The following IL15RA variants were observed in gnomAD, a reference collection of about 807,000 sequenced individuals.
The protein encoded by IL15RA is interleukin 15 receptor subunit alpha.
A neutral mutation model predicts 24.2 loss-of-function variants in IL15RA; 26 were observed. That is an observed-to-expected ratio of 1.07 (90% CI 0.79 to 1.49). IL15RA has a LOEUF of 1.49. Among genes scored for constraint, IL15RA ranks in the 40% most tolerant of loss-of-function variants. The pLI is 0.00. For missense variants in IL15RA, 354 were observed against 356.4 expected (o/e 0.99, Z 0.05); for synonymous variants, 166 against 157.6 (o/e 1.05, Z -0.40).
In IL15RA at chr10:5,955,844, G is replaced by A. The variant is rs983891425; in HGVS notation, c.692+535C>T. On this transcript the variant is annotated intron_variant, in intron 6 of 6. Coordinates refer to ENST00000379977, the MANE Select transcript of IL15RA (RefSeq NM_002189.4). This position sits in a 1 kb window ranked among gnomAD's most constrained non-coding sequence, Gnocchi z 5.3. ...GCCACCTGGTGCACTTTCTCTGGCC[G>A]CCCCATTTCTACCATGAGCAGGGGT... is the stretch of plus-strand genomic sequence containing the variant. Among the ~76,000 whole-genome samples, 8 of 152,058 alleles carry A rather than the reference G, an allele frequency of 5.3e-5. No homozygotes were observed. The highest frequency in any genetic ancestry group is 3.3e-4 in the Admixed American group (5 of 15,276).
Position 5,962,713 on chromosome 10 carries a change from G to A in IL15RA, c.382+1030C>T, listed in dbSNP as rs112756135. Among the ~76,000 whole-genome samples the A allele has an allele frequency of 2.2e-3, 337 of 151,910 alleles. 1 individual carries two copies. Among genetic ancestry groups the A allele is most frequent in the African/African-American group, 7.8e-3 (324 of 41,442 alleles). ...ACCCACGGCTGACAACTGACACTCC[G>A]CAAAGGATGGCTGAGTCCTGTAGTA... On this transcript the variant is annotated intron_variant, in intron 3 of 6. Transcript: ENST00000379977. This position sits in a 1 kb window ranked among gnomAD's most constrained non-coding sequence, Gnocchi z 5.2.
chr10:5,955,254 C>G lies in IL15RA; in HGVS notation c.692+1125G>C, dbSNP rs1048334078. The stretch of plus-strand genomic sequence containing the variant: ...AGCTGGCATTACAGGCATGCACCAC[C>G]ATGGCCTGCTTATTTTGTATTTTTA... On this transcript the variant is annotated intron_variant, in intron 6 of 6. Coordinates refer to ENST00000379977, the MANE Select transcript of IL15RA (RefSeq NM_002189.4). This position sits in a 1 kb window ranked among gnomAD's most constrained non-coding sequence, Gnocchi z 5.3. Among the ~76,000 whole-genome samples, 1 of 152,046 alleles carries G rather than the reference C, an allele frequency of 6.6e-6. No individual in the cohort carries two copies.
rs1833998808 is a variant in IL15RA at position 5,952,841 on chromosome 10, G to C, written c.*254C>G. 1 of 564,638 alleles carries C rather than the reference G, an allele frequency of 1.8e-6. No individual in the cohort carries two copies. Among genetic ancestry groups the C allele is most frequent in the Non-Finnish European group, 3.1e-6 (1 of 319,746 alleles). The allele number at this position is 564,638 out of a possible 1,614,324, so 35.0% of individuals were successfully genotyped here. A position where few individuals can be genotyped will look rare whatever the true frequency, so the allele number is the denominator to read the frequency against. ...ATAAAAATCCTGCTCAGAAGCCTTT[G>C]GTCTCTCCTGGGAAGCTGGGCCCTG... is the stretch of plus-strand genomic sequence containing the variant. On this transcript the variant is annotated 3_prime_UTR_variant, in exon 7 of 7. Transcript: ENST00000379977.
At position 5,960,404 on chromosome 10, in the gene IL15RA, G is replaced by C. The variant is rs752769293; in HGVS notation, c.546C>G (p.Asn182Lys). The C allele has an allele frequency of 8.7e-6, 14 of 1,614,144 alleles. No individual in the cohort carries two copies. Among genetic ancestry groups the C allele is most frequent in the Non-Finnish European group, 1.1e-5 (13 of 1,180,018 alleles). The change falls in exon 4 of 7, where the codon AAC becomes AAG. Residue 182 changes from asparagine (N) to lysine (K), a missense_variant. Transcript: ENST00000379977. The surrounding 1 kb of genome is among the most constrained non-coding windows in gnomAD (Gnocchi z 5.1). ...GGGAGGCGGATGCTGTGAGTTCCCA[G>C]TTCTTGGCTGTTGTCTGAGAGGGGG... ...HGTPSQTTAK[N>K]WELTASASHQ...
chr10:5,973,195 C>A lies in IL15RA; in HGVS notation c.88+4210G>T, dbSNP rs1837889445. On this transcript the variant is annotated intron_variant, in intron 1 of 6. Transcript: ENST00000379977. This position sits in a 1 kb window ranked among gnomAD's most constrained non-coding sequence, Gnocchi z 4.5. ...GGCCTTTTAAATAAGAACAGACTGGCAACAACTTGTTGTGCATAGTAGCAC... is the reference window on the plus strand; with the variant it reads ...GGCCTTTTAAATAAGAACAGACTGGAAACAACTTGTTGTGCATAGTAGCAC... Among the ~76,000 whole-genome samples, 1 of 152,192 alleles carries A rather than the reference C, an allele frequency of 6.6e-6. No individual in the cohort carries two copies. The highest frequency in any genetic ancestry group is 6.5e-5 in the Admixed American group (1 of 15,282).
chr10:5,965,056 T>C lies in IL15RA; in HGVS notation c.283+1089A>G, dbSNP rs180834876. Among the ~76,000 whole-genome samples, 1 of 152,232 alleles carries C rather than the reference T, an allele frequency of 6.6e-6. No homozygotes were observed. The highest frequency in any genetic ancestry group is 1.9e-4 in the East Asian group (1 of 5,178). ...CCTCTGTCCCCTGCTGCAGAGGGCG[T>C]GAGCTATGGGGCCGCTCCATGCAGG... On this transcript the variant is annotated intron_variant, in intron 2 of 6. Coordinates refer to ENST00000379977, the MANE Select transcript of IL15RA (RefSeq NM_002189.4). This position sits in a 1 kb window ranked among gnomAD's most constrained non-coding sequence, Gnocchi z 5.8.
Position 5,959,886 on chromosome 10 carries a change from C to T in IL15RA, c.584-100G>A, listed in dbSNP as rs992197994. 31 of 1,107,122 alleles carry T rather than the reference C, an allele frequency of 2.8e-5. No homozygotes were observed. The highest frequency in any genetic ancestry group is 4.0e-5 in the Non-Finnish European group (29 of 734,084). 68.6% of individuals were successfully genotyped at this position (1,107,122 alleles called of 1,614,324 possible). On this transcript the variant is annotated intron_variant, in intron 4 of 6. Coordinates refer to ENST00000379977, the MANE Select transcript of IL15RA (RefSeq NM_002189.4). The surrounding 1 kb of genome is among the most constrained non-coding windows in gnomAD (Gnocchi z 4.1). ...GCATGGCTTGGCTCCCATCTTAGCA[C>T]CCTGGGAGACTCGTGGCTGGCGTAA...
Position 5,968,920 on chromosome 10 carries a change from C to T in IL15RA, c.89-2581G>A. 1 of 1,521,548 alleles carries T rather than the reference C, an allele frequency of 6.6e-7. No homozygotes were observed. Among genetic ancestry groups the T allele is most frequent in the Non-Finnish European group, 8.8e-7 (1 of 1,134,052 alleles). The allele number at this position is 1,521,548 out of a possible 1,614,324, so 94.3% of individuals were successfully genotyped here. ...CTTCCCGCCAGGACAGCCAGCCTGTCTCTTGCATCTGTAACAGGTTTTGTA... is the reference window on the plus strand; with the variant it reads ...CTTCCCGCCAGGACAGCCAGCCTGTTTCTTGCATCTGTAACAGGTTTTGTA... On this transcript the variant is annotated intron_variant, in intron 1 of 6. Coordinates refer to ENST00000379977, the MANE Select transcript of IL15RA (RefSeq NM_002189.4). This position sits in a 1 kb window ranked among gnomAD's most constrained non-coding sequence, Gnocchi z 5.4.
At chr10:5,977,881 C>T (rs1838704499), upstream of IL15RA, 1 of 351,304 alleles carries the variant, frequency 2.8e-6, no homozygotes, top group Admixed American at 4.7e-5. Flanking sequence ...TGGGCAAAGT[C>T]ATCGGAGAGC....
At chr10:5,957,532 C>T (rs1486720826) in intron 5 of IL15RA, among the ~76,000 whole-genome samples, 2 of 151,740 alleles carry the variant, frequency 1.3e-5, no homozygotes, top group Admixed American at 1.3e-4. Flanking sequence ...CCTTAGCCTC[C>T]CGAAGTGCTG....
rs1836565689 is a variant in IL15RA, at chr10:5,966,507, G to A, written c.89-168C>T. The stretch of plus-strand genomic sequence containing the variant: ...TGTACAGGAAGAGCATCCTCACCCA[G>A]AAGCCTTCCTGGAGCCTCGCCTGAA... On this transcript the variant is annotated intron_variant, in intron 1 of 6. Transcript: ENST00000379977. This position sits in a 1 kb window ranked among gnomAD's most constrained non-coding sequence, Gnocchi z 6.4. 6.6e-6 allele frequency among the ~76,000 whole-genome samples: 1 copy of A among 152,130 alleles called. No homozygotes were observed. Among genetic ancestry groups the A allele is most frequent in the Non-Finnish European group, 1.5e-5 (1 of 68,014 alleles).
chr10:5,966,448 C>T lies in IL15RA; in HGVS notation c.89-109G>A. The stretch of plus-strand genomic sequence containing the variant: ...TGTCCAGCTTATCCTAGGGGTGCCT[C>T]AGGACAAGCCCCAGGTGCCAGGCAC... On this transcript the variant is annotated intron_variant, in intron 1 of 6. Coordinates refer to ENST00000379977, the MANE Select transcript of IL15RA (RefSeq NM_002189.4). The surrounding 1 kb of genome is among the most constrained non-coding windows in gnomAD (Gnocchi z 6.4). 4 of 861,174 alleles carry T rather than the reference C, an allele frequency of 4.6e-6. No homozygotes were observed. The Admixed American group carries it at 6.9e-5, about 15-fold the overall frequency. The allele number at this position is 861,174 out of a possible 1,614,324, so 53.3% of individuals were successfully genotyped here.
rs1024593988 is a variant in IL15RA at position 5,975,808 on chromosome 10, G to A, written c.88+1597C>T. Among the ~76,000 whole-genome samples, 6 of 152,122 alleles carry A rather than the reference G, an allele frequency of 3.9e-5. No homozygotes were observed. The highest frequency in any genetic ancestry group is 7.3e-5 in the Non-Finnish European group (5 of 68,038). ...CTCAGGAGGCTGAGGCAGCAGAATC[G>A]CTTGAACCCAGGAGGCGGAGGTTGC... is the stretch of plus-strand genomic sequence containing the variant. On this transcript the variant is annotated intron_variant, in intron 1 of 6. Transcript: ENST00000379977. The surrounding 1 kb of genome is among the most constrained non-coding windows in gnomAD (Gnocchi z 4.8).
chr10:5,953,171 G>C lies in IL15RA; in HGVS notation c.728C>G (p.Ala243Gly). The C allele has an allele frequency of 6.2e-7, 1 of 1,614,202 alleles. No individual in the cohort carries two copies. Among genetic ancestry groups the C allele is most frequent in the Non-Finnish European group, 8.5e-7 (1 of 1,180,010 alleles). The change falls in exon 7 of 7, where the codon GCC (alanine) becomes GGC (glycine). Residue 243 changes from alanine to glycine, a missense_variant. By Grantham distance (60) the Ala-to-Gly change is moderately conservative. Coordinates refer to ENST00000379977, the MANE Select transcript of IL15RA (RefSeq NM_002189.4). The surrounding 1 kb of genome is among the most constrained non-coding windows in gnomAD (Gnocchi z 5.3). ...CCAAGTCACCGGCAGAGCCTCCATG[G>C]CTTCCATTTCAACGCTGGCCAGCGG... ...TPPLASVEME[A>G]MEALPVTWGT...
Position 5,959,784 on chromosome 10 carries a change from C to T in IL15RA, c.586G>A (p.Val196Met). The T allele has an allele frequency of 6.2e-7, 1 of 1,614,046 alleles. No individual in the cohort carries two copies. Among genetic ancestry groups the T allele is most frequent in the East Asian group, 2.2e-5 (1 of 44,886 alleles). ...GTGTCGCTGTGGCCCTGTGGATACA[C>T]ACCTGCGGAAAAGAGAGGACAGCAT... is the stretch of plus-strand genomic sequence containing the variant. ...TASASHQPPG[V>M]YPQGHSDTTV... is the part of the protein sequence containing the mutation. The change falls in exon 5 of 7, where the codon GTG becomes ATG. Residue 196 changes from valine (V) to methionine (M), a missense_variant and splice_region_variant. Coordinates refer to ENST00000379977, the MANE Select transcript of IL15RA (RefSeq NM_002189.4). The surrounding 1 kb of genome is among the most constrained non-coding windows in gnomAD (Gnocchi z 4.1).
At position 5,965,373 on chromosome 10, in the gene IL15RA, T is replaced by A. The variant is rs544467544; in HGVS notation, c.283+772A>T. ...AGAGGAGCAGTGATGGCTTCCAACA[T>A]CCACCTTCTCATGGGAAATCCAAAC... On this transcript the variant is annotated intron_variant, in intron 2 of 6. Transcript: ENST00000379977. This position sits in a 1 kb window ranked among gnomAD's most constrained non-coding sequence, Gnocchi z 5.8. 2.6e-5 allele frequency among the ~76,000 whole-genome samples: 4 copies of A among 152,366 alleles called. No individual in the cohort carries two copies. In the South Asian group the frequency reaches 6.2e-4, roughly 24 times the overall value.
intron 5 of IL15RA, among the ~76,000 whole-genome samples, chr10:5,957,046 G>C (rs1011739804): frequency 2.1e-5 from 3 of 141,046 alleles, no homozygotes; most frequent in African/African-American, 8.1e-5. Context: ...TGCAACCTCT[G>C]CCTCCTGAAC....
intron 1 of IL15RA, 85 bp downstream of exon 1, chr10:5,977,320 G>T: frequency 1.6e-6 from 1 of 610,580 alleles, no homozygotes; most frequent in Non-Finnish European, 2.4e-6. Context: ...ACGGCCCGGG[G>T]AGATGGGGCG....
chr10:5,972,726 A>G (rs1837818423), intron 1 of IL15RA, among the ~76,000 whole-genome samples: 5 of 152,228 alleles, frequency 3.3e-5, no homozygotes, highest in Admixed American at 3.3e-4. Flanking sequence ...AAAATGAATC[A>G]TATGATGTCT....
Sources: gnomAD v4.1 joint callset for allele counts (sites outside exome capture counted in the v4.1 genomes callset) on GRCh38, gnomAD v4.1.1 for gene constraint, Gnocchi (gnomAD v3.1) non-coding constraint, MANE v1.5 for transcripts, NCBI Gene and HGNC (gene_info 2026-07-23, HGNC 2026-07-21) for gene names.